ADD2: variants seen among roughly 807,000 people sequenced by gnomAD.
ADD2 encodes the protein adducin 2, also known as beta-adducin.
In ADD2, 23 loss-of-function variants were observed where a neutral mutation model predicts 83.0. That is an observed-to-expected ratio of 0.28 (90% CI 0.20 to 0.39). ADD2 has a LOEUF of 0.39. ADD2 is among the 10% of genes least tolerant of loss of function. The probability of loss-of-function intolerance (pLI) is 1.00; values close to 1 mark genes in which losing one functional copy is unlikely to be tolerated. For synonymous variants in ADD2, 375 were observed against 375.4 expected (o/e 1.00, Z 0.01); for missense variants, 758 against 944.9 (o/e 0.80, Z 2.59).
Position 70,676,453 on chromosome 2 carries a change from T to G in ADD2, c.1593+343A>C. On this transcript the variant is annotated intron_variant, in intron 13 of 15. Transcript: ENST00000264436. The surrounding 1 kb of genome is among the most constrained non-coding windows in gnomAD (Gnocchi z 4.8). ...TGGGCACACCTGGGGCACCTGGGAGTCTCCAGCCCCAAGCCTATGAGTCCC... is the reference window on the plus strand; with the variant it reads ...TGGGCACACCTGGGGCACCTGGGAGGCTCCAGCCCCAAGCCTATGAGTCCC... The G allele has an allele frequency of 8.1e-7, 1 of 1,239,440 alleles. No homozygotes were observed. Among genetic ancestry groups the G allele is most frequent in the Non-Finnish European group, 1.0e-6 (1 of 987,566 alleles). 76.8% of individuals were successfully genotyped at this position (1,239,440 alleles called of 1,614,324 possible). A position where few individuals can be genotyped will look rare whatever the true frequency, so the allele number is the denominator to read the frequency against.
Position 70,661,753 on chromosome 2 carries a change from AG to A in ADD2, c.*1671del, listed in dbSNP as rs1296336950. ...GTGCTAACATTATGCAATGGAGAAC[AG>A]TCATAGAGACAAATCCTGGATGAAA... On this transcript the variant is annotated 3_prime_UTR_variant, in exon 16 of 16. Transcript: ENST00000264436. 3.3e-5 allele frequency: 5 copies of A among 152,242 alleles called. No individual in the cohort carries two copies. Among genetic ancestry groups the A allele is most frequent in the African/African-American group, 9.6e-5 (4 of 41,458 alleles). The allele number at this position is 152,242 out of a possible 1,614,324, so 9.4% of individuals were successfully genotyped here. A position where few individuals can be genotyped will look rare whatever the true frequency, so the allele number is the denominator to read the frequency against.
At chr2:70,692,882 A>T (rs1671120287) in intron 6 of ADD2, among the ~76,000 whole-genome samples, 1 of 152,134 alleles carries the variant, frequency 6.6e-6, no homozygotes, top group Non-Finnish European at 1.5e-5. Context: ...CATTTCTAAC[A>T]AGTTCTCAAG....
chr2:70,673,563 T>C (rs1669997622), intron 14 of ADD2, among the ~76,000 whole-genome samples: 1 of 152,210 alleles, frequency 6.6e-6, no homozygotes, highest in Admixed American at 6.5e-5. Context: ...ATTGGCACAT[T>C]AGAGCTCCAA....
chr2:70,689,056 C>G (rs1445833909), intron 8 of ADD2, among the ~76,000 whole-genome samples: 1 of 151,990 alleles, frequency 6.6e-6, no homozygotes, highest in Non-Finnish European at 1.5e-5. Flanking sequence ...TGAGATCGCA[C>G]CATTGTACCC....
chr2:70,742,102 C>A (rs1553381201), intron 1 of ADD2, among the ~76,000 whole-genome samples: 1 of 152,214 alleles, frequency 6.6e-6, no homozygotes, highest in Admixed American at 6.5e-5. Context: ...TATACTACAC[C>A]TTTAATATTC....
chr2:70,729,571 TG>T (rs1367191768), intron 1 of ADD2, among the ~76,000 whole-genome samples: 14 of 152,136 alleles, frequency 9.2e-5, no homozygotes, highest in African/African-American at 3.4e-4. Context: ...GGTACTTAGT[TG>T]TCAGTGACTG....
At chr2:70,719,699 C>A (rs1402808287) in intron 1 of ADD2, among the ~76,000 whole-genome samples, 1 of 152,184 alleles carries the variant, frequency 6.6e-6, no homozygotes, top group African/African-American at 2.4e-5. Context: ...AGCTGACTGT[C>A]CTGATTCACT....
At chr2:70,767,784 C>G in intron 1 of ADD2, 102 bp downstream of exon 1, 1 of 1,493,340 alleles carries the variant, frequency 6.7e-7, no homozygotes, top group Non-Finnish European at 8.9e-7. Flanking sequence ...CGCGCCCCAC[C>G]TGGGCCAAGC....
At chr2:70,674,914 A>G in intron 13 of ADD2, 89 bp from the exon 14 acceptor site, 2 of 1,528,266 alleles carry the variant, frequency 1.3e-6, no homozygotes, top group South Asian at 2.6e-5. Flanking sequence ...ATGTGGCTGC[A>G]AGCGGTCTTG....
chr2:70,692,291 C>T (rs1452190489), intron 7 of ADD2, 112 bp downstream of exon 7: 2 of 1,273,556 alleles, frequency 1.6e-6, no homozygotes, highest in African/African-American at 3.0e-5. Context: ...AGTTCTCTCG[C>T]TTCACCTTGG....
chr2:70,724,565 C>A (rs1553377881), intron 1 of ADD2, among the ~76,000 whole-genome samples: 1 of 152,208 alleles, frequency 6.6e-6, no homozygotes. Context: ...GCTGCTCCCC[C>A]AAGCTCCCCA....
chr2:70,767,979 C>G lies in ADD2; in HGVS notation c.-247G>C. On this transcript the variant is annotated 5_prime_UTR_variant, in exon 1 of 16. Coordinates refer to ENST00000264436, the MANE Select transcript of ADD2 (RefSeq NM_001617.4). ...GGGGGTGGGGTGCGCTTAAAAAATCCACCCAGCTAATCTGCAGGGCAGCGT... is the reference window on the plus strand; with the variant it reads ...GGGGGTGGGGTGCGCTTAAAAAATCGACCCAGCTAATCTGCAGGGCAGCGT... The G allele has an allele frequency of 6.5e-7, 1 of 1,534,958 alleles. No individual in the cohort carries two copies. The highest frequency in any genetic ancestry group is 8.7e-7 in the Non-Finnish European group (1 of 1,146,224).
chr2:70,689,930 G>C (rs555070326), intron 8 of ADD2, among the ~76,000 whole-genome samples: 1 of 152,190 alleles, frequency 6.6e-6, no homozygotes, highest in African/African-American at 2.4e-5. Context: ...TGGGGTGGAA[G>C]AGTGAACAAA....
At chr2:70,715,238 G>C (rs1450042770) in intron 1 of ADD2, among the ~76,000 whole-genome samples, 1 of 152,174 alleles carries the variant, frequency 6.6e-6, no homozygotes, top group Non-Finnish European at 1.5e-5. Context: ...GGCTGCTCTA[G>C]AGAGGCCCCA....
Position 70,663,196 on chromosome 2 carries a change from G to A in ADD2, c.*229C>T, listed in dbSNP as rs1553365355. On this transcript the variant is annotated 3_prime_UTR_variant, in exon 16 of 16. Coordinates refer to ENST00000264436, the MANE Select transcript of ADD2 (RefSeq NM_001617.4). Reference sequence around the variant, plus strand: ...ACTGGAAGTCAGGAGACCTGAATTCGAGTGCAGGCTCTGCCGCTAACTAGC... The same window carrying A: ...ACTGGAAGTCAGGAGACCTGAATTCAAGTGCAGGCTCTGCCGCTAACTAGC... 9 of 529,150 alleles carry A rather than the reference G, an allele frequency of 1.7e-5. No homozygotes were observed. Among genetic ancestry groups the A allele is most frequent in the East Asian group, 1.6e-4 (5 of 30,688 alleles). The allele number at this position is 529,150 out of a possible 1,614,324, so 32.8% of individuals were successfully genotyped here.
Position 70,673,007 on chromosome 2 carries a change from C to T in ADD2, c.1742-1G>A. ...TCTTCTGGGGCAGTTTCTTTCTCTC[C>T]TGAAAAAACAGAAAAACACCTCAGG... is the stretch of plus-strand genomic sequence containing the variant. On this transcript the variant is annotated splice_acceptor_variant, in intron 14 of 15. Transcript: ENST00000264436. LOFTEE classifies it high-confidence loss of function. The T allele has an allele frequency of 6.2e-7, 1 of 1,610,512 alleles. No individual in the cohort carries two copies. The highest frequency in any genetic ancestry group is 8.5e-7 in the Non-Finnish European group (1 of 1,179,154).
At chr2:70,719,951 C>G (rs1222935285) in intron 1 of ADD2, among the ~76,000 whole-genome samples, 2 of 152,070 alleles carry the variant, frequency 1.3e-5, no homozygotes, top group Non-Finnish European at 2.9e-5. Context: ...CCATCCCCAA[C>G]CACCCCCCAC....
intron 15 of ADD2, among the ~76,000 whole-genome samples, chr2:70,669,454 A>C (rs1227946195): frequency 6.6e-6 from 1 of 152,200 alleles, no homozygotes; most frequent in Non-Finnish European, 1.5e-5. Flanking sequence ...TTACCCCCAA[A>C]AACTGAGAGT....
At chr2:70,663,783 C>A in intron 15 of ADD2, 48 bp from the exon 16 acceptor site, 1 of 1,547,868 alleles carries the variant, frequency 6.5e-7, no homozygotes, top group South Asian at 1.2e-5. Flanking sequence ...ATTCAGGTGA[C>A]AGCTTCCACC....
Sources: allele counts gnomAD v4.1 joint callset (sites outside exome capture counted in the v4.1 genomes callset), GRCh38; gene constraint gnomAD v4.1.1; non-coding constraint Gnocchi (gnomAD v3.1); transcripts MANE v1.5; gene names NCBI Gene and HGNC (gene_info 2026-07-23, HGNC 2026-07-21).